The following FREM1 variants were observed in gnomAD, a reference collection of about 807,000 sequenced individuals.
FREM1 encodes the protein FRAS1 related extracellular matrix 1, also known as FRAS1-related extracellular matrix protein 1.
Under a neutral mutation model 210.1 loss-of-function variants are expected in FREM1, and 220 were observed. The observed-to-expected ratio is 1.05, with a 90% CI of 0.94 to 1.17. The LOEUF (loss-of-function observed/expected upper bound fraction) is 1.17. Among genes scored for constraint, FREM1 ranks in the 50% most tolerant of loss-of-function variants. The pLI is 0.00. For missense variants in FREM1, 3,454 were observed against 2,675.5 expected, an observed-to-expected ratio of 1.29 and a Z score of -6.42; for synonymous variants, 1,189 against 980.2, an observed-to-expected ratio of 1.21 and a Z score of -3.98.
rs12345622 is a variant in FREM1, at chr9:14,846,152, A to G, written c.1262-61T>C. 7,900 of 1,331,730 alleles carry G rather than the reference A, an allele frequency of 5.9e-3. 315 individuals carry two copies. The African/African-American group carries it at 0.089, about 15-fold the overall frequency. The allele number at this position is 1,331,730 out of a possible 1,614,324, so 82.5% of individuals were successfully genotyped here. On this transcript the variant is annotated intron_variant, in intron 7 of 36. Transcript: ENST00000380880. ...AGACTGGATAAAGAAAATGAGGCAC[A>G]TATACACCATGGAATACTATGCAGC...
Position 14,784,498 on chromosome 9 carries a change from T to C in FREM1, c.4314A>G (p.Arg1438=), listed in dbSNP as rs753147420. 8 of 1,613,862 alleles carry C rather than the reference T, an allele frequency of 5.0e-6. No individual in the cohort carries two copies. The Admixed American group carries it at 6.7e-5, about 13-fold the overall frequency. ...AGTGAACATATTCGATCTGGCCATATCGCGGAGGGGAGGTGATGACATAGA... is the reference window on the plus strand; with the variant it reads ...AGTGAACATATTCGATCTGGCCATACCGCGGAGGGGAGGTGATGACATAGA... The part of the protein sequence containing the change: ...ELLYVITSPP[R]YGQIEYVHYP... Residue 1438 remains arginine, a synonymous_variant, in exon 24 of 37, where the codon CGA becomes CGG. Coordinates refer to ENST00000380880, the MANE Select transcript of FREM1 (RefSeq NM_001379081.2).
intron 24 of FREM1, among the ~76,000 whole-genome samples, chr9:14,781,989 G>A (rs928056908): frequency 1.3e-5 from 2 of 152,250 alleles, no homozygotes; most frequent in Non-Finnish European, 2.9e-5. Context: ...ACAGGCGTGA[G>A]CCACTGCCCC....
Position 14,801,876 on chromosome 9 carries a change from T to G in FREM1, c.3472-2A>C. 1 of 1,603,296 alleles carries G rather than the reference T, an allele frequency of 6.2e-7. No individual in the cohort carries two copies. The highest frequency in any genetic ancestry group is 1.1e-5 in the South Asian group (1 of 89,770). On this transcript the variant is annotated splice_acceptor_variant, in intron 19 of 36. Coordinates refer to ENST00000380880, the MANE Select transcript of FREM1 (RefSeq NM_001379081.2). LOFTEE classifies it high-confidence loss of function. ...CTCTTTCATCTGACCCTCACACACC[T>G]GAGCAAGAACACATGAGAAAAGTCA...
Position 14,805,039 on chromosome 9 carries a change from G to A in FREM1, c.3388C>T (p.His1130Tyr), listed in dbSNP as rs1241571799. ...GAAAATGGTATCTCCAAGGAGTGAT[G>A]CTTCCCATCTGTGACGTACACCGTG... is the stretch of plus-strand genomic sequence containing the variant. ...QFTVYVTDGK[H>Y]HSLEIPFSII... The change falls in exon 19 of 37, where the codon CAT (histidine) becomes TAT (tyrosine). Residue 1130 changes from histidine to tyrosine, a missense_variant. By Grantham distance (83) the His-to-Tyr change is moderately conservative. Coordinates refer to ENST00000380880, the MANE Select transcript of FREM1 (RefSeq NM_001379081.2). The A allele has an allele frequency of 4.3e-6, 7 of 1,613,306 alleles. No homozygotes were observed. The highest frequency in any genetic ancestry group is 5.9e-6 in the Non-Finnish European group (7 of 1,179,374).
At position 14,812,995 on chromosome 9, in the gene FREM1, C is replaced by T; in HGVS notation, c.2710G>A (p.Gly904Arg). The change falls in exon 16 of 37, where the codon GGA becomes AGA. Residue 904 changes from glycine (G) to arginine (R), a missense_variant. Coordinates refer to ENST00000380880, the MANE Select transcript of FREM1 (RefSeq NM_001379081.2). ...DLMPVMNCSE[G>R]GEVVITSEYI... ...TCAGAGGTGATGACCACCTCTCCTC[C>T]CTCTGAGCAATTCATGACAGGCATG... 6.2e-7 allele frequency: 1 copy of T among 1,613,924 alleles called. No homozygotes were observed. The highest frequency in any genetic ancestry group is 2.2e-5 in the East Asian group (1 of 44,882).
chr9:14,896,795 C>T (rs1308974080), intron 1 of FREM1, among the ~76,000 whole-genome samples: 1 of 152,170 alleles, frequency 6.6e-6, no homozygotes, highest in East Asian at 1.9e-4. Context: ...TCAAACTCAC[C>T]AGTATACACT....
chr9:14,905,229 T>C (rs1410740681), intron 1 of FREM1, among the ~76,000 whole-genome samples: 2 of 152,126 alleles, frequency 1.3e-5, no homozygotes, highest in Non-Finnish European at 2.9e-5. Flanking sequence ...ATCAGTTGAG[T>C]GACTAAATGC....
intron 23 of FREM1, among the ~76,000 whole-genome samples, chr9:14,787,574 C>G (rs1331532538): frequency 6.6e-6 from 1 of 152,134 alleles, no homozygotes; most frequent in East Asian, 1.9e-4. Flanking sequence ...ACACAACCTT[C>G]ACACCTAGTG....
At chr9:14,748,678 A>G (rs1374627524) in intron 30 of FREM1, 39 bp from the exon 31 acceptor site, 2 of 1,297,442 alleles carry the variant, frequency 1.5e-6, no homozygotes, top group Admixed American at 1.8e-5. Context: ...AGTTCATTTT[A>G]CACAAACAGA....
intron 1 of FREM1, among the ~76,000 whole-genome samples, chr9:14,878,723 C>A (rs1483685883): frequency 2.0e-5 from 3 of 151,942 alleles, no homozygotes; most frequent in Non-Finnish European, 2.9e-5. Flanking sequence ...TGGATTTAAC[C>A]CTAGTGTCTA....
chr9:14,786,176 G>T (rs1270310729), intron 23 of FREM1, among the ~76,000 whole-genome samples: 3 of 152,142 alleles, frequency 2.0e-5, no homozygotes, highest in African/African-American at 7.2e-5. Flanking sequence ...AGGAAGCTAA[G>T]GTATAGAAAT....
chr9:14,746,953 G>A lies in FREM1; in HGVS notation c.6108C>T (p.Ile2036=), dbSNP rs768628308. ...GIQKLYQCNG[I]AWKAWSPQTK... ...TTTGGGGACTCCAGGCTTTCCAGGC[G>A]ATCCCATTGCACTGATACAGCTTCT... is the stretch of plus-strand genomic sequence containing the variant. The change falls in exon 34 of 37, where the codon ATC becomes ATT. Residue 2036 remains isoleucine, a synonymous_variant. Transcript: ENST00000380880. 5.0e-6 allele frequency: 8 copies of A among 1,613,136 alleles called. No individual in the cohort carries two copies. Among genetic ancestry groups the A allele is most frequent in the African/African-American group, 1.3e-5 (1 of 74,896 alleles).
At position 14,851,268 on chromosome 9, in the gene FREM1, T is replaced by C; in HGVS notation, c.1152+16A>G. Reference sequence around the variant, plus strand: ...TGACTTCTAACTAGGCTGGAAGCTTTGTCTCTCCTTCTTACCTCATCATGT... The same window carrying C: ...TGACTTCTAACTAGGCTGGAAGCTTCGTCTCTCCTTCTTACCTCATCATGT... On this transcript the variant is annotated intron_variant, in intron 6 of 36. Transcript: ENST00000380880. 6.5e-7 allele frequency: 1 copy of C among 1,544,630 alleles called. No individual in the cohort carries two copies. The highest frequency in any genetic ancestry group is 8.7e-7 in the Non-Finnish European group (1 of 1,144,980).
intron 1 of FREM1, among the ~76,000 whole-genome samples, chr9:14,885,686 T>C (rs888727140): frequency 6.6e-6 from 1 of 151,774 alleles, no homozygotes; most frequent in African/African-American, 2.4e-5. Context: ...CCTCCCAAAG[T>C]TCTGGGATTA....
At chr9:14,874,395 T>G (rs1304513627) in intron 1 of FREM1, among the ~76,000 whole-genome samples, 1 of 150,790 alleles carries the variant, frequency 6.6e-6, no homozygotes, top group African/African-American at 2.5e-5. Flanking sequence ...CTCTTCTTGT[T>G]GAATTGATCC....
chr9:14,846,955 C>T (rs1022772153), intron 7 of FREM1, among the ~76,000 whole-genome samples: 1 of 152,182 alleles, frequency 6.6e-6, no homozygotes, highest in African/African-American at 2.4e-5. Flanking sequence ...ACCTCCACTG[C>T]CCTCTAGTGG....
At position 14,765,115 on chromosome 9, in the gene FREM1, A is replaced by G. The variant is rs138058836; in HGVS notation, c.5204+4609T>C. ...CCTTATAACTATATCTTCATTTATA[A>G]TCAAGTAGCATGTGACAAGAATTCC... On this transcript the variant is annotated intron_variant, in intron 27 of 36. Coordinates refer to ENST00000380880, the MANE Select transcript of FREM1 (RefSeq NM_001379081.2). Among the ~76,000 whole-genome samples, 122 of 152,348 alleles carry G rather than the reference A, an allele frequency of 8.0e-4. 1 individual carries two copies. The highest frequency in any genetic ancestry group is 2.8e-3 in the African/African-American group (115 of 41,586).
chr9:14,853,065 C>G (rs1828062152), intron 5 of FREM1, among the ~76,000 whole-genome samples: 1 of 152,186 alleles, frequency 6.6e-6, no homozygotes, highest in South Asian at 2.1e-4. Flanking sequence ...ACTTTCCTGA[C>G]CTTCAACACC....
intron 5 of FREM1, among the ~76,000 whole-genome samples, chr9:14,856,857 T>A (rs935947234): frequency 2.8e-5 from 4 of 141,568 alleles, no homozygotes; most frequent in Middle Eastern, 3.7e-3. Context: ...AAAAAAAAAA[T>A]CTCAGCTGTT....
Sources: gnomAD v4.1 joint callset for allele counts (sites outside exome capture counted in the v4.1 genomes callset) on GRCh38, gnomAD v4.1.1 for gene constraint, MANE v1.5 for transcripts, NCBI Gene and HGNC (gene_info 2026-07-23, HGNC 2026-07-21) for gene names.